The following FBLN2 variants were observed in gnomAD, a reference collection of about 807,000 sequenced individuals.
FBLN2 encodes fibulin-2.
Under a neutral mutation model 123.7 loss-of-function variants are expected in FBLN2, and 81 were observed. That is an observed-to-expected ratio of 0.65 (90% CI 0.55 to 0.79). The LOEUF is 0.79. FBLN2 is among the 30% of genes least tolerant of loss of function. The pLI, the probability that FBLN2 is intolerant of heterozygous loss-of-function variation, is 0.00. For synonymous variants in FBLN2, 699 were observed against 701.4 expected (o/e 1.00, Z 0.05); for missense variants, 1,603 against 1,681.3 (o/e 0.95, Z 0.81).
chr3:13,599,442 G>A (rs1300955887), intron 2 of FBLN2, among the ~76,000 whole-genome samples: 2 of 152,202 alleles, frequency 1.3e-5, no homozygotes, highest in East Asian at 3.9e-4. Flanking sequence ...TTAGAGAAAG[G>A]AGGTCAGGAG....
intron 1 of FBLN2, among the ~76,000 whole-genome samples, chr3:13,561,674 G>A (rs377267821): frequency 2.6e-5 from 4 of 152,172 alleles, no homozygotes; most frequent in Admixed American, 6.5e-5. Flanking sequence ...AGGAGCATGC[G>A]GTCTGTCTCT....
intron 10 of FBLN2, among the ~76,000 whole-genome samples, chr3:13,627,071 T>G (rs1706068177): frequency 6.6e-6 from 1 of 152,038 alleles, no homozygotes; most frequent in Non-Finnish European, 1.5e-5. Flanking sequence ...TTCTCTGACC[T>G]TGTGGTTGGG....
intron 1 of FBLN2, among the ~76,000 whole-genome samples, chr3:13,558,055 G>T (rs1325819573): frequency 6.6e-6 from 1 of 152,226 alleles, no homozygotes; most frequent in Non-Finnish European, 1.5e-5. Context: ...GCAGCCCTGA[G>T]AAATTCCTAA....
intron 1 of FBLN2, among the ~76,000 whole-genome samples, chr3:13,569,448 A>T (rs1269099862): frequency 6.6e-6 from 1 of 151,614 alleles, no homozygotes; most frequent in Non-Finnish European, 1.5e-5. Flanking sequence ...TCCAGTGGAG[A>T]TCAGAGCTGA....
intron 4 of FBLN2, among the ~76,000 whole-genome samples, chr3:13,612,244 CTCTTT>C (rs1705413740): frequency 6.6e-6 from 1 of 151,644 alleles, no homozygotes; most frequent in Non-Finnish European, 1.5e-5. Context: ...TGGACTAGTT[CTCTTT>C]TCTTTTCTTT....
chr3:13,551,139 C>T (rs528285965), intron 1 of FBLN2, among the ~76,000 whole-genome samples: 89 of 152,346 alleles, frequency 5.8e-4, no homozygotes, highest in Middle Eastern at 3.4e-3. Context: ...GCGGCTGTGA[C>T]TGCTGCATGC....
chr3:13,571,932 G>A (rs902702672), intron 2 of FBLN2, among the ~76,000 whole-genome samples: 3 of 152,174 alleles, frequency 2.0e-5, no homozygotes, highest in Admixed American at 6.5e-5. Context: ...TAGTGGTCAA[G>A]GGTCCAGAAG....
At chr3:13,635,228 G>A (rs185117258) in intron 16 of FBLN2, among the ~76,000 whole-genome samples, 1 of 152,082 alleles carries the variant, frequency 6.6e-6, no homozygotes, top group Non-Finnish European at 1.5e-5. Context: ...AGCCCTCTGT[G>A]GTTGCCCCTG....
chr3:13,588,250 G>A (rs559547650), intron 2 of FBLN2, among the ~76,000 whole-genome samples: 31 of 152,288 alleles, frequency 2.0e-4, no homozygotes, highest in African/African-American at 7.0e-4. Context: ...CAGGTGTGTC[G>A]CCTAGGAGCA....
chr3:13,574,783 C>T (rs776992417), intron 2 of FBLN2, among the ~76,000 whole-genome samples: 10 of 152,192 alleles, frequency 6.6e-5, no homozygotes, highest in Non-Finnish European at 1.0e-4. Context: ...CAAGGCCTCC[C>T]CCAACAACAG....
chr3:13,637,728 A>T lies in FBLN2; in HGVS notation c.3505A>T (p.Ile1169Phe), dbSNP rs751658242. 2 of 1,613,992 alleles carry T rather than the reference A, an allele frequency of 1.2e-6. No individual in the cohort carries two copies. Among genetic ancestry groups the T allele is most frequent in the South Asian group, 2.2e-5 (2 of 91,084 alleles). ...FTGDTIALNIIKGNEEGYFGT... is the reference protein window; with the variant it reads ...FTGDTIALNIFKGNEEGYFGT... The stretch of plus-strand genomic sequence containing the variant: ...GGGGGACACCATCGCCCTGAACATC[A>T]TCAAGGGCAATGAGGAGGGCTACTT... The change falls in exon 18 of 18, where the codon ATC (isoleucine) becomes TTC (phenylalanine). Residue 1169 changes from isoleucine (I) to phenylalanine (F), a missense_variant. Coordinates refer to ENST00000404922, the MANE Select transcript of FBLN2 (RefSeq NM_001004019.2).
rs772342675 is a variant in FBLN2 at position 13,631,352 on chromosome 3, G to A, written c.3109G>A (p.Ala1037Thr). The change falls in exon 16 of 18, where the codon GCC becomes ACC. Residue 1037 changes from alanine (A) to threonine (T), a missense_variant. Transcript: ENST00000404922. The part of the protein sequence containing the change: ...CTDIDECAQG[A>T]GILCTFRCLN... ...AGACATCGACGAGTGTGCTCAAGGC[G>A]CCGGCATCCTCTGCACCTTCCGCTG... 7.5e-6 allele frequency: 12 copies of A among 1,602,802 alleles called. No homozygotes were observed. The highest frequency in any genetic ancestry group is 1.3e-5 in the African/African-American group (1 of 74,840).
In FBLN2 at chr3:13,600,496, C is replaced by T. The variant is rs192750222; in HGVS notation, c.1307-7566C>T. The stretch of plus-strand genomic sequence containing the variant: ...CTGGTGATGGTTAGAGTCCCAGAGA[C>T]GACCTTCAGGATCGGCTGCATTAGG... On this transcript the variant is annotated intron_variant, in intron 2 of 17. Transcript: ENST00000404922. Among the ~76,000 whole-genome samples the T allele has an allele frequency of 2.4e-4, 37 of 152,222 alleles. 1 individual carries two copies. In the South Asian group the frequency reaches 6.4e-3, roughly 26 times the overall value.
Position 13,571,028 on chromosome 3 carries a change from G to A in FBLN2, c.673G>A (p.Ala225Thr), listed in dbSNP as rs759325556. Residue 225 changes from alanine (A) to threonine (T), a missense_variant, in exon 2 of 18, where the codon GCA becomes ACA. Ala to Thr is a moderately conservative substitution (Grantham distance 58). Transcript: ENST00000404922. ...CCAGGCGGGTGCAGTCCAGGCAGGC[G>A]CAGGGGGCCCCCCAGCTGCTCTGGG... ...EVQAGAVQAG[A>T]GGPPAALGGG... 5.7e-6 allele frequency: 9 copies of A among 1,578,836 alleles called. No homozygotes were observed. Among genetic ancestry groups the A allele is most frequent in the African/African-American group, 2.7e-5 (2 of 74,102 alleles).
intron 3 of FBLN2, among the ~76,000 whole-genome samples, chr3:13,608,956 G>C (rs1324574462): frequency 2.0e-5 from 3 of 152,250 alleles, no homozygotes; most frequent in Non-Finnish European, 4.4e-5. Flanking sequence ...TTAGGAGTTA[G>C]AGCATGCAGC....
chr3:13,621,474 C>T (rs539679259), intron 8 of FBLN2, among the ~76,000 whole-genome samples: 2 of 152,086 alleles, frequency 1.3e-5, no homozygotes, highest in African/African-American at 4.8e-5. Flanking sequence ...TCTTGGCGCC[C>T]GTGGATGTGG....
intron 2 of FBLN2, among the ~76,000 whole-genome samples, chr3:13,598,224 G>A (rs1704909929): frequency 6.6e-6 from 1 of 152,240 alleles, no homozygotes; most frequent in African/African-American, 2.4e-5. Flanking sequence ...TATGTGCCAG[G>A]AGACAGGAGG....
intron 4 of FBLN2, among the ~76,000 whole-genome samples, chr3:13,612,290 T>TC (rs1478124005): frequency 1.9e-4 from 26 of 133,784 alleles, no homozygotes; most frequent in Non-Finnish European, 3.0e-4. Context: ...TTTTCTTTTA[T>TC]TTTCCTTTCT....
At chr3:13,612,291 T>TTC (rs1705417626) in intron 4 of FBLN2, among the ~76,000 whole-genome samples, 1 of 78,944 alleles carries the variant, frequency 1.3e-5, no homozygotes, top group African/African-American at 6.8e-5. Context: ...TTTCTTTTAT[T>TTC]TTCCTTTCTT....
Sources: allele counts gnomAD v4.1 joint callset (sites outside exome capture counted in the v4.1 genomes callset), GRCh38; gene constraint gnomAD v4.1.1; transcripts MANE v1.5; gene names NCBI Gene and HGNC (gene_info 2026-07-23, HGNC 2026-07-21).